PNPLA5: variants seen among roughly 807,000 people sequenced by gnomAD.
PNPLA5 encodes the protein patatin-like phospholipase domain-containing protein 5.
In PNPLA5, 44 loss-of-function variants were observed where a neutral mutation model predicts 49.1. That is an observed-to-expected ratio of 0.90 (90% CI 0.70 to 1.15). The LOEUF (loss-of-function observed/expected upper bound fraction) is 1.15. PNPLA5 is among the 50% of genes most tolerant of loss of function. PNPLA5 has a pLI of 0.00. For missense variants in PNPLA5, 603 were observed against 564.0 expected (o/e 1.07, Z -0.70); for synonymous variants, 243 against 244.4 (o/e 0.99, Z 0.06).
chr22:43,884,193 GC>G lies in PNPLA5; in HGVS notation c.1082+19del. On this transcript the variant is annotated intron_variant, in intron 7 of 8. Coordinates refer to ENST00000216177, the MANE Select transcript of PNPLA5 (RefSeq NM_138814.4). ...CCGCCACAAGCCAGGCCCTTCCCAG[GC>G]CCCCTGGCCGAGCCTTACCTTCTGC... The G allele has an allele frequency of 3.3e-6, 5 of 1,518,238 alleles. No individual in the cohort carries two copies. The highest frequency in any genetic ancestry group is 2.5e-5 in the East Asian group (1 of 39,838). 94.0% of individuals were successfully genotyped at this position (1,518,238 alleles called of 1,614,324 possible).
rs1330482317 is a variant in PNPLA5, at chr22:43,884,259, G to A, written c.1036C>T (p.Leu346=). ...GPGQVLTYLL[L]PCTLPFEYIY... is the part of the protein sequence containing the mutation. ...TACTCGAAGGGCAGTGTGCAGGGTA[G>A]CAGCAGGTACGTCAGCACCTGTCCA... is the stretch of plus-strand genomic sequence containing the variant. Residue 346 remains leucine, a synonymous_variant, in exon 7 of 9, where the codon CTA becomes TTA. Transcript: ENST00000216177. The A allele has an allele frequency of 6.3e-7, 1 of 1,597,892 alleles. No individual in the cohort carries two copies. The highest frequency in any genetic ancestry group is 8.5e-7 in the Non-Finnish European group (1 of 1,172,100).
chr22:43,881,116 G>T, intron 8 of PNPLA5: 1 of 557,814 alleles, frequency 1.8e-6, no homozygotes, highest in Non-Finnish European at 2.3e-6. Flanking sequence ...GATAACTGTC[G>T]AGTGGGTGGG....
chr22:43,883,583 G>C (rs2049631775), intron 7 of PNPLA5, among the ~76,000 whole-genome samples: 1 of 152,202 alleles, frequency 6.6e-6, no homozygotes, highest in Non-Finnish European at 1.5e-5. Context: ...GGCGAGGCGG[G>C]CGGATTGCCT....
rs137893968 is a variant in PNPLA5 at position 43,884,538 on chromosome 22, A to C, written c.950-193T>G. 21 of 376,654 alleles carry C rather than the reference A, an allele frequency of 5.6e-5. No homozygotes were observed. In the East Asian group the frequency reaches 3.5e-3, roughly 62 times the overall value. 23.3% of individuals were successfully genotyped at this position (376,654 alleles called of 1,614,324 possible). On this transcript the variant is annotated intron_variant, in intron 6 of 8. Transcript: ENST00000216177. ...TCGTTGTCCGTGAGACAAGGGGTGT[A>C]TGCCCTCTCGTAGATGAGGAGACTG...
At position 43,880,685 on chromosome 22, in the gene PNPLA5, A is replaced by C. The variant is rs1398686887; in HGVS notation, c.*110T>G. On this transcript the variant is annotated 3_prime_UTR_variant, in exon 9 of 9. Transcript: ENST00000216177. ...ACGGGCTCCAAGCTGCAGGGTCTCC[A>C]CGGAGATTGGCAGGGCCTCTTCCCG... 1.8e-6 allele frequency: 2 copies of C among 1,085,630 alleles called. No homozygotes were observed. Among genetic ancestry groups the C allele is most frequent in the Non-Finnish European group, 2.4e-6 (2 of 849,012 alleles). 67.2% of individuals were successfully genotyped at this position (1,085,630 alleles called of 1,614,324 possible). A position where few individuals can be genotyped will look rare whatever the true frequency, so the allele number is the denominator to read the frequency against.
Position 43,889,812 on chromosome 22 carries a change from TC to T in PNPLA5, c.478del (p.Glu160SerfsTer12). On this transcript the variant is annotated frameshift_variant, in exon 3 of 9. Transcript: ENST00000216177. LOFTEE classifies it high-confidence loss of function. ...FPFYCGLIPP[E>X]FRGERYIDGA... ...GAGTGCACTCACCTCCCCTCTGAACTCGGGGGGGATCAGCCCGCAGTAGAAA... is the reference window on the plus strand; with the variant it reads ...GAGTGCACTCACCTCCCCTCTGAACTGGGGGGGATCAGCCCGCAGTAGAAA... 6.2e-7 allele frequency: 1 copy of T among 1,613,038 alleles called. No homozygotes were observed. The highest frequency in any genetic ancestry group is 8.5e-7 in the Non-Finnish European group (1 of 1,179,742).
Position 43,884,276 on chromosome 22 carries a change from A to C in PNPLA5, c.1019T>G (p.Val340Gly), listed in dbSNP as rs2148326538. Reference sequence around the variant, plus strand: ...GCAGGGTAGCAGCAGGTACGTCAGCACCTGTCCAGGCCCCGAGTGCCAGAA... The same window carrying C: ...GCAGGGTAGCAGCAGGTACGTCAGCCCCTGTCCAGGCCCCGAGTGCCAGAA... ...ARFWHSGPGQ[V>G]LTYLLLPCTL... is the part of the protein sequence containing the mutation. Residue 340 changes from valine (V) to glycine (G), a missense_variant, in exon 7 of 9, where the codon GTG (valine) becomes GGG (glycine). Physicochemically the swap from Val to Gly is moderately radical, Grantham distance 109 (BLOSUM62 -3). Coordinates refer to ENST00000216177, the MANE Select transcript of PNPLA5 (RefSeq NM_138814.4). 1 of 1,598,884 alleles carries C rather than the reference A, an allele frequency of 6.3e-7. No individual in the cohort carries two copies. Among genetic ancestry groups the C allele is most frequent in the Middle Eastern group, 1.7e-4 (1 of 6,016 alleles).
chr22:43,884,368 G>A, intron 6 of PNPLA5, 23 bp from the exon 7 acceptor site: 2 of 1,527,382 alleles, frequency 1.3e-6, no homozygotes, highest in African/African-American at 1.4e-5. Context: ...CCCTGGCATG[G>A]CCCTGCCCAC....
chr22:43,888,847 G>A (rs1471057603), intron 4 of PNPLA5, among the ~76,000 whole-genome samples: 1 of 152,196 alleles, frequency 6.6e-6, no homozygotes, highest in Non-Finnish European at 1.5e-5. Flanking sequence ...CTCTACAATG[G>A]ATGGTCAATT....
chr22:43,889,699 AG>A, intron 3 of PNPLA5, 99 bp downstream of exon 3: 2 of 1,520,634 alleles, frequency 1.3e-6, no homozygotes, highest in Non-Finnish European at 8.8e-7. Flanking sequence ...GGCACACAGT[AG>A]GTGCTCAAGG....
In PNPLA5 at chr22:43,891,718, C is replaced by T. The variant is rs1249569875; in HGVS notation, c.163G>A (p.Ala55Thr). The change falls in exon 1 of 9, where the codon GCA becomes ACA. Residue 55 changes from alanine (A) to threonine (T), a missense_variant. Ala to Thr is a moderately conservative substitution (Grantham distance 58). Coordinates refer to ENST00000216177, the MANE Select transcript of PNPLA5 (RefSeq NM_138814.4). ...IYGSSSGALN[A>T]VSIVCGKSVD... ...GACTTGCCGCAGACGATGCTGACTG[C>T]GTTGAGCGCCCCAGACGAGGAACCG... The T allele has an allele frequency of 3.9e-6, 6 of 1,547,890 alleles. No individual in the cohort carries two copies. The highest frequency in any genetic ancestry group is 3.6e-5 in the South Asian group (3 of 83,880).
At chr22:43,883,456 G>T (rs1438859095) in intron 7 of PNPLA5, among the ~76,000 whole-genome samples, 3 of 152,264 alleles carry the variant, frequency 2.0e-5, no homozygotes, top group Non-Finnish European at 4.4e-5. Flanking sequence ...ACATTAACCA[G>T]CAAGTCAGAA....
chr22:43,883,655 A>G (rs993803578), intron 7 of PNPLA5, among the ~76,000 whole-genome samples: 7 of 152,112 alleles, frequency 4.6e-5, no homozygotes, highest in African/African-American at 1.7e-4. Context: ...ACTAAAATAC[A>G]AAACAATTAG....
In PNPLA5 at chr22:43,880,663, G is replaced by A; in HGVS notation, c.*132C>T. The stretch of plus-strand genomic sequence containing the variant: ...CTGACAGGCTGCGCCCCAAGGAACG[G>A]GCTCCAAGCTGCAGGGTCTCCACGG... On this transcript the variant is annotated 3_prime_UTR_variant, in exon 9 of 9. Transcript: ENST00000216177. 1.1e-6 allele frequency: 1 copy of A among 915,492 alleles called. No individual in the cohort carries two copies. Among genetic ancestry groups the A allele is most frequent in the Non-Finnish European group, 1.4e-6 (1 of 696,780 alleles). The allele number at this position is 915,492 out of a possible 1,614,324, so 56.7% of individuals were successfully genotyped here. A position where few individuals can be genotyped will look rare whatever the true frequency, so the allele number is the denominator to read the frequency against.
intron 1 of PNPLA5, 41 bp from the exon 2 acceptor site, chr22:43,891,335 G>T: frequency 6.6e-7 from 1 of 1,520,632 alleles, no homozygotes; most frequent in Non-Finnish European, 8.8e-7. Flanking sequence ...AGCGCCCAGG[G>T]ATCCTGCCAG....
At chr22:43,888,084 G>A (rs1175546255) in intron 4 of PNPLA5, among the ~76,000 whole-genome samples, 1 of 152,180 alleles carries the variant, frequency 6.6e-6, no homozygotes, top group Non-Finnish European at 1.5e-5. Context: ...ACTGAGGTGG[G>A]CTGAGGAACC....
At chr22:43,889,928 G>A in intron 2 of PNPLA5, 64 bp from the exon 3 acceptor site, 1 of 1,583,096 alleles carries the variant, frequency 6.3e-7, no homozygotes, top group Non-Finnish European at 8.6e-7. Flanking sequence ...AACCTTCCTA[G>A]GCACGGTTTC....
rs544189489 is a variant in PNPLA5, at chr22:43,885,005, G to A, written c.950-660C>T. 5.3e-5 allele frequency among the ~76,000 whole-genome samples: 8 copies of A among 152,368 alleles called. 1 individual carries two copies. The highest frequency in any genetic ancestry group is 1.4e-4 in the African/African-American group (6 of 41,592). On this transcript the variant is annotated intron_variant, in intron 6 of 8. Transcript: ENST00000216177. ...ACCCTGCTCCACATCCACCTGCCGA[G>A]TGTCCTAGGACGAGTCCTAGCTTCC...
In PNPLA5 at chr22:43,889,791, G is replaced by A. The variant is rs1423937478; in HGVS notation, c.492+8C>T. Reference sequence around the variant, plus strand: ...AGAGCACAGAACGGGGTTCCAGAGTGCACTCACCTCCCCTCTGAACTCGGG... The same window carrying A: ...AGAGCACAGAACGGGGTTCCAGAGTACACTCACCTCCCCTCTGAACTCGGG... On this transcript the variant is annotated splice_region_variant and intron_variant, in intron 3 of 8. Coordinates refer to ENST00000216177, the MANE Select transcript of PNPLA5 (RefSeq NM_138814.4). The A allele has an allele frequency of 1.2e-6, 2 of 1,611,792 alleles. No individual in the cohort carries two copies.
Sources: gnomAD v4.1 joint callset for allele counts (sites outside exome capture counted in the v4.1 genomes callset) on GRCh38, gnomAD v4.1.1 for gene constraint, MANE v1.5 for transcripts, NCBI Gene and HGNC (gene_info 2026-07-23, HGNC 2026-07-21) for gene names.